Variants in VWA8 observed in about 807,000 individuals in gnomAD.
VWA8 encodes von Willebrand factor A domain-containing protein 8.
VWA8 carries 221 observed loss-of-function variants against 241.5 expected under a neutral mutation model. The observed-to-expected ratio is 0.91, with a 90% CI of 0.82 to 1.02. VWA8 has a LOEUF of 1.02. Ranked by LOEUF, VWA8 falls within the 50% of genes least tolerant of loss-of-function variation. VWA8 has a pLI of 0.00. For missense variants in VWA8, 2,322 were observed against 2,328.7 expected (o/e 1.00, Z 0.06); for synonymous variants, 852 against 827.1 (o/e 1.03, Z -0.52).
intron 26 of VWA8, 72 bp downstream of exon 26, chr13:41,719,518 GT>G (rs1454448317): frequency 5.6e-6 from 9 of 1,602,424 alleles, no homozygotes; most frequent in Non-Finnish European, 7.7e-6. Flanking sequence ...TAGCAACTCA[GT>G]TTTGTAGAAT....
At chr13:41,956,151 T>C (rs12875343) in intron 1 of VWA8, among the ~76,000 whole-genome samples, 29,252 of 152,182 alleles carry the variant, frequency 0.19, 3,582 homozygotes, top group East Asian at 0.37. Flanking sequence ...TAATTTTTTG[T>C]TGTGAGGGGC....
At chr13:41,844,981 A>C (rs1872222934) in intron 12 of VWA8, among the ~76,000 whole-genome samples, 1 of 152,182 alleles carries the variant, frequency 6.6e-6, no homozygotes, top group African/African-American at 2.4e-5. Flanking sequence ...GCCCAAAGCA[A>C]TTTACAGATT....
chr13:41,718,175 C>T (rs2045359046), intron 26 of VWA8, among the ~76,000 whole-genome samples: 1 of 151,766 alleles, frequency 6.6e-6, no homozygotes, highest in Non-Finnish European at 1.5e-5. Context: ...TTCCATAAAG[C>T]CAGTACTCTA....
chr13:41,845,006 T>A (rs144934727), intron 12 of VWA8, among the ~76,000 whole-genome samples: 223 of 152,264 alleles, frequency 1.5e-3, no homozygotes, highest in African/African-American at 5.1e-3. Flanking sequence ...GCTATTCCTA[T>A]CAAACTCTCA....
chr13:41,633,874 T>C (rs955246), intron 37 of VWA8, among the ~76,000 whole-genome samples: 1 of 152,186 alleles, frequency 6.6e-6, no homozygotes, highest in Admixed American at 6.6e-5. Context: ...TTCCCACTTA[T>C]ACCTTGAAAT....
At chr13:41,902,229 T>C (rs566100340) in intron 4 of VWA8, among the ~76,000 whole-genome samples, 1 of 152,266 alleles carries the variant, frequency 6.6e-6, no homozygotes, top group African/African-American at 2.4e-5. Context: ...ATCATATCTT[T>C]GAGTAACATC....
intron 40 of VWA8, among the ~76,000 whole-genome samples, chr13:41,595,041 A>C (rs562342410): frequency 2.0e-5 from 3 of 152,282 alleles, no homozygotes; most frequent in East Asian, 1.9e-4. Flanking sequence ...AAACTAGACG[A>C]AGTTGAGAAG....
At chr13:41,865,381 C>A in intron 12 of VWA8, 1 of 320,540 alleles carries the variant, frequency 3.1e-6, no homozygotes, top group Non-Finnish European at 6.1e-6. Flanking sequence ...CTACTATAGT[C>A]ATTCTACTTA....
At chr13:41,649,937 G>A (rs1305802014) in intron 37 of VWA8, among the ~76,000 whole-genome samples, 1 of 152,148 alleles carries the variant, frequency 6.6e-6, no homozygotes, top group Non-Finnish European at 1.5e-5. Context: ...GCTGGGACGG[G>A]AAATAATCTA....
intron 26 of VWA8, among the ~76,000 whole-genome samples, chr13:41,710,849 G>A (rs541785069): frequency 1.3e-5 from 2 of 152,284 alleles, no homozygotes; most frequent in South Asian, 2.1e-4. Context: ...AGAGGCCCTG[G>A]CAGGGGGATG....
At chr13:41,958,413 T>C (rs969007085) in intron 1 of VWA8, among the ~76,000 whole-genome samples, 1 of 152,242 alleles carries the variant, frequency 6.6e-6, no homozygotes, top group Non-Finnish European at 1.5e-5. Flanking sequence ...ATATTATTTA[T>C]GAACTTTGTT....
chr13:41,885,004 G>T (rs1038285462), intron 8 of VWA8, among the ~76,000 whole-genome samples: 1 of 152,080 alleles, frequency 6.6e-6, no homozygotes, highest in Non-Finnish European at 1.5e-5. Context: ...CCTCCACAGG[G>T]TCTCACTGAG....
chr13:41,816,621 TA>T (rs1470473546), intron 16 of VWA8, 76 bp downstream of exon 16: 1 of 1,380,238 alleles, frequency 7.2e-7, no homozygotes, highest in African/African-American at 1.5e-5. Flanking sequence ...AAATAGATTT[TA>T]AGTACTGAAT....
Position 41,598,073 on chromosome 13 carries a change from A to G in VWA8, c.4986+7095T>C, listed in dbSNP as rs184116533. ...TTCCTGTACAGTTCCTTCTTCACAT[A>G]GCAATCAGAGGAATTTTTATAAAAT... On this transcript the variant is annotated intron_variant, in intron 40 of 44. Coordinates refer to ENST00000379310, the MANE Select transcript of VWA8 (RefSeq NM_015058.2). Among the ~76,000 whole-genome samples the G allele has an allele frequency of 3.1e-4, 47 of 152,234 alleles. No individual in the cohort carries two copies. The South Asian group carries it at 4.1e-3, about 13-fold the overall frequency.
intron 26 of VWA8, among the ~76,000 whole-genome samples, chr13:41,712,120 A>G (rs1386125517): frequency 6.6e-6 from 1 of 152,114 alleles, no homozygotes; most frequent in Non-Finnish European, 1.5e-5. Flanking sequence ...GCTTATGAAG[A>G]GAGGTTGGTT....
intron 4 of VWA8, among the ~76,000 whole-genome samples, chr13:41,893,588 TA>T (rs1261598378): frequency 3.3e-5 from 5 of 152,044 alleles, no homozygotes; most frequent in Admixed American, 6.6e-5. Flanking sequence ...TCTGGGATAT[TA>T]AAAGTCAAAA....
chr13:41,653,082 A>G (rs565818431), intron 37 of VWA8, among the ~76,000 whole-genome samples: 10 of 152,216 alleles, frequency 6.6e-5, no homozygotes, highest in Non-Finnish European at 1.3e-4. Context: ...CAAATTCACT[A>G]TAATTACATT....
chr13:41,629,049 A>G (rs1424927637), intron 37 of VWA8, among the ~76,000 whole-genome samples: 1 of 152,098 alleles, frequency 6.6e-6, no homozygotes, highest in Admixed American at 6.6e-5. Flanking sequence ...CAAAACAAAA[A>G]ACAAAAACAA....
At chr13:41,653,648 C>T (rs2044882877) in intron 37 of VWA8, among the ~76,000 whole-genome samples, 1 of 152,060 alleles carries the variant, frequency 6.6e-6, no homozygotes, top group African/African-American at 2.4e-5. Flanking sequence ...TCAAATTATC[C>T]AACTTCAAAC....
Sources: gnomAD v4.1 joint callset for allele counts (sites outside exome capture counted in the v4.1 genomes callset) on GRCh38, gnomAD v4.1.1 for gene constraint, MANE v1.5 for transcripts, NCBI Gene and HGNC (gene_info 2026-07-23, HGNC 2026-07-21) for gene names.